Variants in SYT1 observed in about 807,000 individuals in gnomAD.
The protein encoded by SYT1 is synaptotagmin-1.
A neutral mutation model predicts 44.8 loss-of-function variants in SYT1; 8 were observed. The ratio of observed to expected loss-of-function variants is 0.18; its 90% confidence interval spans 0.10 to 0.32. The LOEUF is 0.32. SYT1 is among the 10% of genes least tolerant of loss of function. SYT1 has a pLI of 1.00. For synonymous variants in SYT1, 154 were observed against 188.8 expected (o/e 0.82, Z 1.51); for missense variants, 286 against 509.3 (o/e 0.56, Z 4.22).
In SYT1 at chr12:79,043,197, T is replaced by C. The variant is rs1310557738; in HGVS notation, c.-83-4100T>C. Among the ~76,000 whole-genome samples, 7 of 150,010 alleles carry C rather than the reference T, an allele frequency of 4.7e-5. No individual in the cohort carries two copies. The South Asian group carries it at 6.4e-4, about 14-fold the overall frequency. On this transcript the variant is annotated intron_variant, in intron 2 of 10. Transcript: ENST00000261205. Reference sequence around the variant, plus strand: ...GGGTATCCTTGTTGACTTTCTGTCTTGTTGATCTGTCTAATGTTGACAGTG... The same window carrying C: ...GGGTATCCTTGTTGACTTTCTGTCTCGTTGATCTGTCTAATGTTGACAGTG...
intron 3 of SYT1, among the ~76,000 whole-genome samples, chr12:79,170,223 A>T (rs1871436155): frequency 6.6e-6 from 1 of 152,100 alleles, no homozygotes; most frequent in Non-Finnish European, 1.5e-5. Flanking sequence ...CAGTAATGGG[A>T]TTGCTGGGTC....
At chr12:78,865,564 T>TG (rs56184328) in intron 1 of SYT1, among the ~76,000 whole-genome samples, 423 of 145,820 alleles carry the variant, frequency 2.9e-3, no homozygotes, top group Non-Finnish European at 4.0e-3. Context: ...GAGAGGGATA[T>TG]GGGGGGGGGG....
At chr12:79,247,887 T>C (rs912818807) in intron 4 of SYT1, among the ~76,000 whole-genome samples, 2 of 152,222 alleles carry the variant, frequency 1.3e-5, no homozygotes, top group Non-Finnish European at 2.9e-5. Context: ...ACACAAAGTA[T>C]GAAAGTAATA....
rs1403317200 is a variant in SYT1 at position 78,951,735 on chromosome 12, A to T, written c.-216-26064A>T. Among the ~76,000 whole-genome samples, 6 of 152,190 alleles carry T rather than the reference A, an allele frequency of 3.9e-5. No homozygotes were observed. In the South Asian group the frequency reaches 1.2e-3, roughly 31 times the overall value. On this transcript the variant is annotated intron_variant, in intron 1 of 10. Coordinates refer to ENST00000261205, the MANE Select transcript of SYT1 (RefSeq NM_005639.3). The stretch of plus-strand genomic sequence containing the variant: ...CAAGTTAGTCAACCTACCAGTGAGC[A>T]TGTTAAAAGCCAGATGAATGACCAG...
In SYT1 at chr12:79,369,099, C is replaced by T. The variant is rs1883680694; in HGVS notation, c.928+15480C>T. Among the ~76,000 whole-genome samples, 2 of 152,184 alleles carry T rather than the reference C, an allele frequency of 1.3e-5. 1 individual carries two copies. The highest frequency in any genetic ancestry group is 4.1e-4 in the South Asian group (2 of 4,836). On this transcript the variant is annotated intron_variant, in intron 9 of 10. Transcript: ENST00000261205. ...TGCCTCCCTCAAACAACTAGCAAGA[C>T]TGATCTGAGGTTGAACCAATTGCTT...
At chr12:79,334,754 C>T (rs1882012125) in intron 8 of SYT1, among the ~76,000 whole-genome samples, 1 of 152,160 alleles carries the variant, frequency 6.6e-6, no homozygotes, top group Non-Finnish European at 1.5e-5. Flanking sequence ...CCATAGACTT[C>T]ATCCTCTACT....
chr12:79,139,689 T>C (rs1592784653), intron 3 of SYT1, among the ~76,000 whole-genome samples: 1 of 152,190 alleles, frequency 6.6e-6, no homozygotes, highest in African/African-American at 2.4e-5. Flanking sequence ...AACCAAATCA[T>C]AGACTAAGTT....
chr12:78,906,400 A>G (rs1875981981), intron 1 of SYT1, among the ~76,000 whole-genome samples: 1 of 152,168 alleles, frequency 6.6e-6, no homozygotes, highest in Non-Finnish European at 1.5e-5. Context: ...CTGAAGATAT[A>G]GCAGTGCCCA....
intron 3 of SYT1, among the ~76,000 whole-genome samples, chr12:79,055,531 G>T (rs1874866499): frequency 6.6e-6 from 1 of 151,880 alleles, no homozygotes; most frequent in Admixed American, 6.6e-5. Context: ...TTTGCCTTGG[G>T]TTGCATTATT....
chr12:79,361,611 A>G (rs968037089), intron 9 of SYT1, among the ~76,000 whole-genome samples: 27 of 152,368 alleles, frequency 1.8e-4, no homozygotes, highest in African/African-American at 6.5e-4. Flanking sequence ...TGAGATCAAC[A>G]AGTCCATAAC....
intron 4 of SYT1, among the ~76,000 whole-genome samples, chr12:79,239,128 A>G (rs989784751): frequency 2.6e-5 from 4 of 152,226 alleles, no homozygotes; most frequent in East Asian, 3.8e-4. Context: ...TTTAGATACT[A>G]TGTTTCCCTA....
At chr12:79,053,421 T>A (rs959881681) in intron 3 of SYT1, among the ~76,000 whole-genome samples, 2 of 151,908 alleles carry the variant, frequency 1.3e-5, no homozygotes, top group Non-Finnish European at 2.9e-5. Flanking sequence ...GACGAGTTAA[T>A]GGGTGCAGCA....
chr12:78,940,786 A>G lies in SYT1; in HGVS notation c.-216-37013A>G, dbSNP rs376284861. 9.7e-4 allele frequency among the ~76,000 whole-genome samples: 148 copies of G among 152,222 alleles called. 8 individuals are homozygous for G. In the South Asian group the frequency reaches 0.029, roughly 30 times the overall value. On this transcript the variant is annotated intron_variant, in intron 1 of 10. Transcript: ENST00000261205. ...TTATTTTTAGATACATTTTCTTCCT[A>G]AAGAAAAGGGGCATGGTTATCAAAG... is the stretch of plus-strand genomic sequence containing the variant.
At chr12:79,278,853 A>G (rs1372092349) in intron 4 of SYT1, among the ~76,000 whole-genome samples, 1 of 152,026 alleles carries the variant, frequency 6.6e-6, no homozygotes, top group African/African-American at 2.4e-5. Context: ...AATGTAAAGT[A>G]TTATTCAAGA....
intron 8 of SYT1, among the ~76,000 whole-genome samples, chr12:79,347,041 CTTTTTTT>C (rs59524429): frequency 8.7e-5 from 11 of 125,948 alleles, no homozygotes; most frequent in South Asian, 5.4e-4. Context: ...TTTGTTTTTT[CTTTTTTT>C]TTTTTTTTTT....
At chr12:79,342,397 A>AT (rs1164863419) in intron 8 of SYT1, among the ~76,000 whole-genome samples, 11 of 149,020 alleles carry the variant, frequency 7.4e-5, no homozygotes, top group African/African-American at 2.6e-4. Context: ...ATGCCCGGCT[A>AT]TTTTTTTGTT....
chr12:79,431,512 TATTATTTATTTA>T (rs1345933358), intron 9 of SYT1, among the ~76,000 whole-genome samples: 146 of 49,364 alleles, frequency 3.0e-3, no homozygotes, highest in Admixed American at 6.0e-3. Flanking sequence ...TATTTTATTT[TATTATTTATTTA>T]TTTATTTATT....
At chr12:79,064,944 GAAAGAAAGAAAGAAAGAA>G (rs1875681409) in intron 3 of SYT1, among the ~76,000 whole-genome samples, 1 of 130,088 alleles carries the variant, frequency 7.7e-6, no homozygotes, top group African/African-American at 2.9e-5. Context: ...AAGAAAGAAA[GAAAGAAAGAAAGAAAGAA>G]AGAAAGAAAG....
At chr12:79,339,301 T>C (rs1387095937) in intron 8 of SYT1, among the ~76,000 whole-genome samples, 1 of 152,218 alleles carries the variant, frequency 6.6e-6, no homozygotes, top group Non-Finnish European at 1.5e-5. Context: ...GTAAAAGTGT[T>C]CCTATTTCTC....
Sources: gnomAD v4.1 joint callset for allele counts (sites outside exome capture counted in the v4.1 genomes callset) on GRCh38, gnomAD v4.1.1 for gene constraint, MANE v1.5 for transcripts, NCBI Gene and HGNC (gene_info 2026-07-23, HGNC 2026-07-21) for gene names.